The following LHFPL1 variants were observed in gnomAD, a reference collection of about 807,000 sequenced individuals.
The protein encoded by LHFPL1 is LHFPL tetraspan subfamily member 1.
In LHFPL1, 4 loss-of-function variants were observed where a neutral mutation model predicts 12.1. That is an observed-to-expected ratio of 0.33 (90% CI 0.16 to 0.76). The LOEUF (loss-of-function observed/expected upper bound fraction) is 0.76, where lower values mean the gene tolerates loss of function less well. Ranked by LOEUF, LHFPL1 falls within the 30% of genes least tolerant of loss-of-function variation. The pLI, the probability that LHFPL1 is intolerant of heterozygous loss-of-function variation, is 0.61. For synonymous variants in LHFPL1, 52 were observed against 61.9 expected, an observed-to-expected ratio of 0.84 and a Z score of 0.75; for missense variants, 141 against 174.1, an observed-to-expected ratio of 0.81 and a Z score of 1.07.
Position 112,671,223 on chromosome X carries a change from T to C in LHFPL1, c.168A>G (p.Gly56=). 1 of 1,211,488 alleles carries C rather than the reference T, an allele frequency of 8.3e-7. No homozygotes were observed. Among genetic ancestry groups the C allele is most frequent in the Non-Finnish European group, 1.1e-6 (1 of 895,378 alleles). The change falls in exon 2 of 4, where the codon GGA becomes GGG. Residue 56 remains glycine (G), a synonymous_variant. Coordinates refer to ENST00000371968, the MANE Select transcript of LHFPL1 (RefSeq NM_178175.4). The stretch of plus-strand genomic sequence containing the variant: ...CCACCATGATCAGACTGTGTCCCTC[T>C]CCCCGCACAGGGTAGTTGCACCTCC... ...TFRRCNYPVR[G]EGHSLIMVEE...
At chrX:112,647,148 T>C (rs1352427403) in intron 3 of LHFPL1, among the ~76,000 whole-genome samples, 3 of 112,095 alleles carry the variant, frequency 2.7e-5, no homozygotes, top group Non-Finnish European at 5.6e-5. Context: ...TTAAGTGCTA[T>C]TTATAACACG....
intron 2 of LHFPL1, among the ~76,000 whole-genome samples, chrX:112,663,655 C>T (rs1319781246): frequency 8.9e-6 from 1 of 112,208 alleles, no homozygotes; most frequent in African/African-American, 3.2e-5. Flanking sequence ...CCTTTTTCCC[C>T]GATCAAAGAG....
At chrX:112,675,050 A>G (rs1602699284) in intron 1 of LHFPL1, among the ~76,000 whole-genome samples, 1 of 111,664 alleles carries the variant, frequency 9.0e-6, no homozygotes, top group Admixed American at 9.5e-5. Context: ...TTTCTCACGG[A>G]TATGTGGGAG....
At chrX:112,635,174 C>T (rs1346715088) in intron 3 of LHFPL1, among the ~76,000 whole-genome samples, 1 of 112,040 alleles carries the variant, frequency 8.9e-6, no homozygotes, top group Non-Finnish European at 1.9e-5. Context: ...TATGGACCAT[C>T]ATCCATTCCC....
At chrX:112,675,958 AAG>A (rs1931643220) in intron 1 of LHFPL1, among the ~76,000 whole-genome samples, 1 of 112,535 alleles carries the variant, frequency 8.9e-6, no homozygotes, top group African/African-American at 3.2e-5. Flanking sequence ...GCAATCAAGA[AAG>A]AGATCTCAGA....
At chrX:112,646,371 C>T (rs1930689193) in intron 3 of LHFPL1, among the ~76,000 whole-genome samples, 1 of 105,799 alleles carries the variant, frequency 9.5e-6, no homozygotes, top group Admixed American at 1.0e-4. Context: ...GGTGCGGGGG[C>T]TGGTAGATTC....
At chrX:112,667,505 C>T (rs1312240880) in intron 2 of LHFPL1, among the ~76,000 whole-genome samples, 1 of 112,385 alleles carries the variant, frequency 8.9e-6, no homozygotes, top group Non-Finnish European at 1.9e-5. Context: ...CCATGAGTAA[C>T]CTGATTCAAG....
intron 2 of LHFPL1, among the ~76,000 whole-genome samples, chrX:112,668,596 G>A (rs897007497): frequency 1.9e-4 from 21 of 112,763 alleles, no homozygotes; most frequent in African/African-American, 6.1e-4. Context: ...CAAGGCTCAC[G>A]TGGATATAGA....
chrX:112,648,440 C>A (rs1476032673), intron 3 of LHFPL1, among the ~76,000 whole-genome samples: 3 of 111,406 alleles, frequency 2.7e-5, no homozygotes, highest in East Asian at 2.8e-4. Flanking sequence ...TGTCACTGAG[C>A]AACAGGAGTG....
In LHFPL1 at chrX:112,644,358, T is replaced by C. The variant is rs184809313; in HGVS notation, c.482-12757A>G. 2.8e-3 allele frequency among the ~76,000 whole-genome samples: 315 copies of C among 111,884 alleles called. 1 individual carries two copies. Among genetic ancestry groups the C allele is most frequent in the African/African-American group, 9.7e-3 (299 of 30,829 alleles). ...GCCTTAAGTAGATTGCTTTAGTTTTTATTGTACATTTTTAACATATACAAT... is the reference window on the plus strand; with the variant it reads ...GCCTTAAGTAGATTGCTTTAGTTTTCATTGTACATTTTTAACATATACAAT... On this transcript the variant is annotated intron_variant, in intron 3 of 3. Coordinates refer to ENST00000371968, the MANE Select transcript of LHFPL1 (RefSeq NM_178175.4).
At chrX:112,660,789 T>A in intron 2 of LHFPL1, 64 bp from the exon 3 acceptor site, 1 of 802,474 alleles carries the variant, frequency 1.2e-6, no homozygotes. Flanking sequence ...CAACATTCCC[T>A]TTGGATTAGT....
chrX:112,668,579 C>A (rs1276973420), intron 2 of LHFPL1, among the ~76,000 whole-genome samples: 1 of 112,828 alleles, frequency 8.9e-6, no homozygotes, highest in Admixed American at 9.3e-5. Flanking sequence ...GACTATGTTC[C>A]TATGAGCAAG....
At chrX:112,676,378 T>C (rs972919404) in intron 1 of LHFPL1, among the ~76,000 whole-genome samples, 1 of 111,820 alleles carries the variant, frequency 8.9e-6, no homozygotes. Context: ...GATGCTCTTG[T>C]AGAGTGGTCA....
At chrX:112,641,885 G>A (rs983121834) in intron 3 of LHFPL1, among the ~76,000 whole-genome samples, 4 of 111,878 alleles carry the variant, frequency 3.6e-5, no homozygotes, top group African/African-American at 1.3e-4. Flanking sequence ...AACTTTCAGA[G>A]GAAAAGCAAG....
chrX:112,671,235 G>A lies in LHFPL1; in HGVS notation c.156C>T (p.Tyr52=), dbSNP rs1168416663. 2 of 1,210,454 alleles carry A rather than the reference G, an allele frequency of 1.7e-6. No individual in the cohort carries two copies. Among genetic ancestry groups the A allele is most frequent in the African/African-American group, 3.5e-5 (2 of 57,270 alleles). ...GACTGTGTCCCTCTCCCCGCACAGG[G>A]TAGTTGCACCTCCGGAATGTGCTGA... ...VSFSTFRRCN[Y]PVRGEGHSLI... is the part of the protein sequence containing the mutation. The change falls in exon 2 of 4, where the codon TAC becomes TAT. Residue 52 remains tyrosine, a synonymous_variant. Coordinates refer to ENST00000371968, the MANE Select transcript of LHFPL1 (RefSeq NM_178175.4).
chrX:112,630,716 T>C lies in LHFPL1; in HGVS notation c.*704A>G, dbSNP rs953076159. On this transcript the variant is annotated 3_prime_UTR_variant, in exon 4 of 4. Transcript: ENST00000371968. ...AATGCTAGTCTATTCTCAGTACATT[T>C]GATGAACACCATTTCTTTATCTCTA... is the stretch of plus-strand genomic sequence containing the variant. 6 of 112,056 alleles carry C rather than the reference T, an allele frequency of 5.4e-5. No individual in the cohort carries two copies. Among genetic ancestry groups the C allele is most frequent in the Non-Finnish European group, 1.1e-4 (6 of 53,249 alleles). The allele number at this position is 112,056 out of a possible 1,213,427, so 9.2% of individuals were successfully genotyped here. A position where few individuals can be genotyped will look rare whatever the true frequency, so the allele number is the denominator to read the frequency against.
At chrX:112,646,584 G>T (rs1193109430) in intron 3 of LHFPL1, among the ~76,000 whole-genome samples, 4 of 110,526 alleles carry the variant, frequency 3.6e-5, no homozygotes, top group Non-Finnish European at 5.7e-5. Flanking sequence ...GACCATTTAG[G>T]TTCCTTTATT....
intron 3 of LHFPL1, among the ~76,000 whole-genome samples, chrX:112,631,961 G>A (rs1480373102): frequency 9.0e-6 from 1 of 111,677 alleles, no homozygotes; most frequent in African/African-American, 3.3e-5. Flanking sequence ...GATCATTACA[G>A]TAATTATATG....
chrX:112,655,491 T>A (rs1304741937), intron 3 of LHFPL1, among the ~76,000 whole-genome samples: 1 of 112,017 alleles, frequency 8.9e-6, no homozygotes, highest in East Asian at 2.8e-4. Flanking sequence ...ATGAATGTGA[T>A]CTCTTCATAT....
Sources: gnomAD v4.1 joint callset for allele counts (sites outside exome capture counted in the v4.1 genomes callset) on GRCh38, gnomAD v4.1.1 for gene constraint, MANE v1.5 for transcripts, NCBI Gene and HGNC (gene_info 2026-07-23, HGNC 2026-07-21) for gene names.